PLEKHA4: variants seen among roughly 807,000 people sequenced by gnomAD.
The protein encoded by PLEKHA4 is pleckstrin homology domain containing A4.
A neutral mutation model predicts 94.7 loss-of-function variants in PLEKHA4; 73 were observed. That is an observed-to-expected ratio of 0.77 (90% CI 0.64 to 0.94). The LOEUF (loss-of-function observed/expected upper bound fraction) is 0.94. Among genes scored for constraint, PLEKHA4 ranks in the 40% least tolerant of loss-of-function variants. The pLI is 0.00. For synonymous variants in PLEKHA4, 449 were observed against 437.1 expected (o/e 1.03, Z -0.34); for missense variants, 1,049 against 1,054.1 (o/e 1.00, Z 0.07).
intron 9 of PLEKHA4, among the ~76,000 whole-genome samples, chr19:48,856,760 G>A (rs1257032281): frequency 1.4e-5 from 2 of 146,876 alleles, no homozygotes; most frequent in African/African-American, 2.5e-5. Context: ...TTAGCCGGGC[G>A]TGGTGGCGGG....
At chr19:48,862,627 G>A (rs918089535) in intron 3 of PLEKHA4, among the ~76,000 whole-genome samples, 4 of 152,078 alleles carry the variant, frequency 2.6e-5, no homozygotes, top group Non-Finnish European at 4.4e-5. Context: ...TCCTGCCCCA[G>A]CCTCCCGAGT....
chr19:48,853,670 C>T lies in PLEKHA4; in HGVS notation c.1326+12G>A, dbSNP rs1394487674. On this transcript the variant is annotated intron_variant, in intron 12 of 19. Coordinates refer to ENST00000263265, the MANE Select transcript of PLEKHA4 (RefSeq NM_020904.3). ...GCCTCCTAGGAGGGCAGGCCCCTTC[C>T]CAGGTGCTCACCTGAGTCAAGTGAC... 2.6e-6 allele frequency: 4 copies of T among 1,536,674 alleles called. No individual in the cohort carries two copies. Among genetic ancestry groups the T allele is most frequent in the East Asian group, 4.7e-5 (2 of 42,556 alleles).
Position 48,868,568 on chromosome 19 carries a change from T to G in PLEKHA4, c.-492A>C, listed in dbSNP as rs1394579547. On this transcript the variant is annotated 5_prime_UTR_variant, in exon 1 of 20. Transcript: ENST00000263265. ...CTCCCTTTTCTCTTTCCGATTTCCC[T>G]TCTCACTTTCTCCCTTCCTCCCTCT... 6.6e-6 allele frequency: 1 copy of G among 152,658 alleles called. No homozygotes were observed. Among genetic ancestry groups the G allele is most frequent in the African/African-American group, 2.4e-5 (1 of 41,448 alleles). 9.5% of individuals were successfully genotyped at this position (152,658 alleles called of 1,614,324 possible). A position where few individuals can be genotyped will look rare whatever the true frequency, so the allele number is the denominator to read the frequency against.
rs2036535213 is a variant in PLEKHA4 at position 48,859,040 on chromosome 19, T to C, written c.792A>G (p.Ala264=). The C allele has an allele frequency of 2.4e-6, 3 of 1,232,612 alleles. No individual in the cohort carries two copies. Among genetic ancestry groups the C allele is most frequent in the Non-Finnish European group, 3.1e-6 (3 of 971,444 alleles). 76.4% of individuals were successfully genotyped at this position (1,232,612 alleles called of 1,614,324 possible). Residue 264 remains alanine (A), a synonymous_variant, in exon 8 of 20, where the codon GCA becomes GCG. Coordinates refer to ENST00000263265, the MANE Select transcript of PLEKHA4 (RefSeq NM_020904.3). ...RRPPAPSGDT[A]PPARPHTPLS... ...ACGGGGTGTGAGGTCGGGCAGGGGGTGCTGTGTCTCCTGAGGGGGCAGGGG... is the reference window on the plus strand; with the variant it reads ...ACGGGGTGTGAGGTCGGGCAGGGGGCGCTGTGTCTCCTGAGGGGGCAGGGG...
rs2036797551 is a variant in PLEKHA4, at chr19:48,865,503, C to G, written c.192G>C (p.Gln64His). Residue 64 changes from glutamine (Q) to histidine (H), a missense_variant and splice_region_variant, in exon 3 of 20, where the codon CAG becomes CAC. Physicochemically the swap from Gln to His is conservative, Grantham distance 24. Transcript: ENST00000263265. ...PVHIRGWLHKQDSSGLRLWKR... is the reference protein window; with the variant it reads ...PVHIRGWLHKHDSSGLRLWKR... ...CTTTTCCTTCTCCTACTGACCCCAC[C>G]TGCTTATGAAGCCAGCCTCGGATGT... 6.2e-7 allele frequency: 1 copy of G among 1,613,102 alleles called. No homozygotes were observed. Among genetic ancestry groups the G allele is most frequent in the Non-Finnish European group, 8.5e-7 (1 of 1,179,126 alleles).
chr19:48,847,437 A>T (rs2036007130), intron 14 of PLEKHA4, among the ~76,000 whole-genome samples: 1 of 151,574 alleles, frequency 6.6e-6, no homozygotes, highest in Non-Finnish European at 1.5e-5. Flanking sequence ...TCCCATCTTA[A>T]AAAAAAAATC....
In PLEKHA4 at chr19:48,858,922, C is replaced by T. The variant is rs951811699; in HGVS notation, c.910G>A (p.Glu304Lys). 6.2e-7 allele frequency: 1 copy of T among 1,604,342 alleles called. No homozygotes were observed. Among genetic ancestry groups the T allele is most frequent in the Non-Finnish European group, 8.5e-7 (1 of 1,177,284 alleles). Residue 304 changes from glutamate (E) to lysine (K), a missense_variant, in exon 8 of 20, where the codon GAG (glutamate) becomes AAG (lysine). By Grantham distance (56) the Glu-to-Lys change is moderately conservative. Transcript: ENST00000263265. ...CTGGGGGGCTTTCCTCCCCCAGCCT[C>T]AGAGGGAGGTCCTCGGCGGGGAGTA... ...PPTPRRGPPS[E>K]AGGGKPPRSP...
intron 3 of PLEKHA4, 45 bp from the exon 4 acceptor site, chr19:48,861,737 A>G: frequency 6.5e-7 from 1 of 1,538,728 alleles, no homozygotes; most frequent in Non-Finnish European, 9.0e-7. Flanking sequence ...AGGGAAACAG[A>G]AAAAGGGGAT....
intron 18 of PLEKHA4, among the ~76,000 whole-genome samples, chr19:48,838,932 G>A (rs1016432161): frequency 3.9e-5 from 6 of 151,960 alleles, no homozygotes; most frequent in African/African-American, 1.2e-4. Flanking sequence ...CATGCATTAC[G>A]GGATTTGTAG....
intron 3 of PLEKHA4, among the ~76,000 whole-genome samples, chr19:48,863,956 C>A (rs2036741894): frequency 6.6e-6 from 1 of 152,136 alleles, no homozygotes; most frequent in Non-Finnish European, 1.5e-5. Flanking sequence ...TTCTGGGGCC[C>A]CATCCCCAGA....
chr19:48,837,271 C>G lies in PLEKHA4; in HGVS notation c.*18G>C, dbSNP rs2035560755. 1 of 1,613,998 alleles carries G rather than the reference C, an allele frequency of 6.2e-7. No homozygotes were observed. The highest frequency in any genetic ancestry group is 1.7e-5 in the Admixed American group (1 of 60,002). On this transcript the variant is annotated 3_prime_UTR_variant, in exon 20 of 20. Coordinates refer to ENST00000263265, the MANE Select transcript of PLEKHA4 (RefSeq NM_020904.3). This position sits in a 1 kb window ranked among gnomAD's most constrained non-coding sequence, Gnocchi z 4.3. ...GACCACGTCCTCGCGCTCCGATTGGCTGCCGCTTTTGGGCGGATTAGAAGC... is the reference window on the plus strand; with the variant it reads ...GACCACGTCCTCGCGCTCCGATTGGGTGCCGCTTTTGGGCGGATTAGAAGC...
intron 14 of PLEKHA4, among the ~76,000 whole-genome samples, chr19:48,846,798 C>T (rs916897581): frequency 2.0e-5 from 3 of 152,084 alleles, no homozygotes; most frequent in African/African-American, 7.2e-5. Flanking sequence ...AAACCAGGAG[C>T]CAGATGTCCT....
intron 14 of PLEKHA4, among the ~76,000 whole-genome samples, chr19:48,846,544 A>T (rs1382684993): frequency 6.6e-6 from 1 of 151,850 alleles, no homozygotes; most frequent in African/African-American, 2.4e-5. Flanking sequence ...AGATGGGAGG[A>T]TCACTTGAGA....
chr19:48,862,985 GAC>G (rs760011925), intron 3 of PLEKHA4, among the ~76,000 whole-genome samples: 3 of 152,180 alleles, frequency 2.0e-5, no homozygotes, highest in Non-Finnish European at 4.4e-5. Flanking sequence ...TGGAGCCTGA[GAC>G]ACAGAGAGGC....
chr19:48,848,752 G>A (rs906116664), intron 13 of PLEKHA4, among the ~76,000 whole-genome samples: 5 of 146,488 alleles, frequency 3.4e-5, no homozygotes, highest in African/African-American at 1.0e-4. Context: ...AGCTGAGATC[G>A]TGCCACTGCA....
chr19:48,862,659 G>A (rs936789856), intron 3 of PLEKHA4, among the ~76,000 whole-genome samples: 14 of 151,730 alleles, frequency 9.2e-5, no homozygotes, highest in Admixed American at 7.2e-4. Context: ...CAGGCCCCCC[G>A]CCACCACACC....
chr19:48,844,804 CTTTTTTTTTT>C (rs149141709), intron 16 of PLEKHA4, among the ~76,000 whole-genome samples: 4 of 70,838 alleles, frequency 5.6e-5, no homozygotes, highest in East Asian at 4.5e-4. Context: ...CTCAGGGTGT[CTTTTTTTTTT>C]TTTTTTTTTT....
intron 12 of PLEKHA4, 50 bp from the exon 13 acceptor site, chr19:48,852,376 A>G: frequency 7.3e-7 from 1 of 1,375,666 alleles, no homozygotes; most frequent in Admixed American, 1.7e-5. Flanking sequence ...CTCCCACCAG[A>G]TCCTTCCCCA....
intron 13 of PLEKHA4, among the ~76,000 whole-genome samples, chr19:48,850,978 C>T (rs1473396202): frequency 1.3e-5 from 2 of 149,514 alleles, no homozygotes; most frequent in African/African-American, 2.5e-5. Context: ...CCCTCTCTAC[C>T]GAAAATAGAA....
Sources: gnomAD v4.1 joint callset for allele counts (sites outside exome capture counted in the v4.1 genomes callset) on GRCh38, gnomAD v4.1.1 for gene constraint, Gnocchi (gnomAD v3.1) non-coding constraint, MANE v1.5 for transcripts, NCBI Gene and HGNC (gene_info 2026-07-23, HGNC 2026-07-21) for gene names.